PRPF18: variants seen among roughly 807,000 people sequenced by gnomAD.
The protein encoded by PRPF18 is pre-mRNA-splicing factor 18.
Under a neutral mutation model 46.5 loss-of-function variants are expected in PRPF18, and 38 were observed. The ratio of observed to expected loss-of-function variants is 0.82; its 90% CI spans 0.63 to 1.07. PRPF18 has a LOEUF of 1.07. PRPF18 is among the 50% of genes least tolerant of loss of function. The pLI, the probability that PRPF18 is intolerant of heterozygous loss-of-function variation, is 0.00. For missense variants in PRPF18, 263 were observed against 410.0 expected, an observed-to-expected ratio of 0.64 and a Z score of 3.10; for synonymous variants, 152 against 146.7, an observed-to-expected ratio of 1.04 and a Z score of -0.26.
downstream of PRPF18, among the ~76,000 whole-genome samples, chr10:13,635,289 C>G (rs2080627217): frequency 6.6e-6 from 1 of 152,164 alleles, no homozygotes; most frequent in Admixed American, 6.5e-5. Flanking sequence ...TTTATCCAGG[C>G]TATCATTGGT....
At chr10:13,619,103 C>G (rs1301909511) in intron 9 of PRPF18, among the ~76,000 whole-genome samples, 1 of 152,224 alleles carries the variant, frequency 6.6e-6, no homozygotes, top group Non-Finnish European at 1.5e-5. Flanking sequence ...CTGTGAGAAT[C>G]TAATGCCAGG....
intron 8 of PRPF18, among the ~76,000 whole-genome samples, chr10:13,616,001 C>T (rs920402285): frequency 3.3e-5 from 5 of 152,168 alleles, no homozygotes; most frequent in African/African-American, 9.7e-5. Context: ...TACTTAGCCC[C>T]TGTCTTCTAC....
chr10:13,642,005 CTG>C, the PRPF18 span: 3 of 151,432 alleles, frequency 2.0e-5, no homozygotes, highest in Admixed American at 6.6e-5. Context: ...ACTCTCCACA[CTG>C]TGTTATTCTT....
intron 3 of PRPF18, among the ~76,000 whole-genome samples, chr10:13,601,063 G>A (rs181875997): frequency 6.6e-6 from 1 of 152,144 alleles, no homozygotes; most frequent in Non-Finnish European, 1.5e-5. Flanking sequence ...TTACAGGTGT[G>A]AGCCACCGCG....
chr10:13,606,554 G>A (rs1287822575), intron 4 of PRPF18, among the ~76,000 whole-genome samples: 2 of 151,920 alleles, frequency 1.3e-5, no homozygotes, highest in East Asian at 1.9e-4. Context: ...GGCCAACATG[G>A]TGAAACCCCG....
At chr10:13,592,000 T>C (rs1335143541) in intron 1 of PRPF18, 1 of 847,148 alleles carries the variant, frequency 1.2e-6, no homozygotes, top group Admixed American at 2.0e-5. Context: ...CTAGGCATTT[T>C]ATGAAGTTTA....
At position 13,618,615 on chromosome 10, in the gene PRPF18, CAAAAAAAAAAAA is replaced by C. The variant is rs68069523; in HGVS notation, c.948+2077_948+2088del. Among the ~76,000 whole-genome samples the C allele has an allele frequency of 1.5e-4, 6 of 39,990 alleles. No homozygotes were observed. In the East Asian group the frequency reaches 5.1e-3, roughly 34 times the overall value. The allele number at this position is 39,990 out of a possible 152,430, so 26.2% of individuals were successfully genotyped here. ...CACTTCAGACAGAGCAAGACCCTGT[CAAAAAAAAAAAA>C]AAAAAAAAAAAAAAGAAAGAATTTA... On this transcript the variant is annotated intron_variant, in intron 9 of 9. Transcript: ENST00000378572.
At chr10:13,620,105 A>G (rs2080401296) in intron 9 of PRPF18, among the ~76,000 whole-genome samples, 1 of 151,846 alleles carries the variant, frequency 6.6e-6, no homozygotes, top group East Asian at 1.9e-4. Flanking sequence ...GAATTCTCCT[A>G]AAAAAAAGAC....
intron 6 of PRPF18, among the ~76,000 whole-genome samples, chr10:13,612,167 A>T (rs926226041): frequency 4.6e-5 from 7 of 152,186 alleles, no homozygotes; most frequent in Admixed American, 2.0e-4. Flanking sequence ...GGCATGAGCC[A>T]CTGCGACTGG....
At chr10:13,629,922 G>A (rs1281783428) in intron 9 of PRPF18, among the ~76,000 whole-genome samples, 2 of 152,318 alleles carry the variant, frequency 1.3e-5, no homozygotes, top group South Asian at 2.1e-4. Context: ...GAGACTGGCC[G>A]AATTGTTACA....
intron 3 of PRPF18, 41 bp downstream of exon 3, chr10:13,600,389 A>G: frequency 2.8e-6 from 4 of 1,434,662 alleles, no homozygotes; most frequent in Non-Finnish European, 3.9e-6. Flanking sequence ...TAAGATCTCC[A>G]CGGTGTTTAC....
At chr10:13,591,447 C>CT in intron 1 of PRPF18, 1 of 557,426 alleles carries the variant, frequency 1.8e-6, no homozygotes, top group Non-Finnish European at 3.2e-6. Flanking sequence ...TTAGGTTCTT[C>CT]TTAAGAAATG....
chr10:13,611,724 T>G (rs961412425), intron 6 of PRPF18, 41 bp downstream of exon 6: 1 of 1,547,760 alleles, frequency 6.5e-7, no homozygotes, highest in Non-Finnish European at 8.9e-7. Flanking sequence ...CCTTGGATCC[T>G]TATGAACTAT....
At chr10:13,602,389 T>C (rs988402649) in intron 3 of PRPF18, among the ~76,000 whole-genome samples, 6 of 152,186 alleles carry the variant, frequency 3.9e-5, no homozygotes, top group Non-Finnish European at 8.8e-5. Flanking sequence ...TTAACCTGTG[T>C]TCATAAGTGT....
chr10:13,595,352 A>T (rs1291971284), intron 1 of PRPF18, among the ~76,000 whole-genome samples: 6 of 152,156 alleles, frequency 3.9e-5, no homozygotes, highest in Non-Finnish European at 1.5e-5. Context: ...AACATAGTTA[A>T]AAAGATTGGA....
At chr10:13,588,625 C>G (rs570961632) in intron 1 of PRPF18, among the ~76,000 whole-genome samples, 1 of 151,542 alleles carries the variant, frequency 6.6e-6, no homozygotes, top group African/African-American at 2.4e-5. Context: ...TAGTAAATCC[C>G]AATTTTTTAA....
the PRPF18 span, chr10:13,652,383 A>ACAAT: frequency 4.9e-6 from 1 of 205,294 alleles, no homozygotes; most frequent in Non-Finnish European, 9.8e-6. Context: ...GCCAAATAAT[A>ACAAT]CAATCAATCA....
chr10:13,652,016 T>C, the PRPF18 span: 4 of 1,051,034 alleles, frequency 3.8e-6, no homozygotes, highest in East Asian at 2.4e-5. Context: ...AGAGAGGTCA[T>C]GTTACAGAGA....
the PRPF18 span, chr10:13,654,416 C>T: frequency 1.3e-6 from 2 of 1,591,030 alleles, no homozygotes; most frequent in Non-Finnish European, 1.7e-6. Flanking sequence ...GAGAACTCAC[C>T]CAGTCTGCCA....
Sources: allele counts gnomAD v4.1 joint callset (sites outside exome capture counted in the v4.1 genomes callset), GRCh38; gene constraint gnomAD v4.1.1; transcripts MANE v1.5; gene names NCBI Gene and HGNC (gene_info 2026-07-23, HGNC 2026-07-21).